The following CSMD3 variants were observed in gnomAD, a reference collection of about 807,000 sequenced individuals.
CSMD3 encodes the protein CUB and sushi domain-containing protein 3.
Under a neutral mutation model 435.2 loss-of-function variants are expected in CSMD3, and 177 were observed. The ratio of observed to expected loss-of-function variants is 0.41; its 90% CI spans 0.36 to 0.46. The LOEUF (loss-of-function observed/expected upper bound fraction) is 0.46. CSMD3 is among the 20% of genes least tolerant of loss of function. The pLI is 0.34. For missense variants in CSMD3, 4,265 were observed against 4,504.6 expected (o/e 0.95, Z 1.52); for synonymous variants, 1,656 against 1,520.5 (o/e 1.09, Z -2.07).
In CSMD3 at chr8:112,406,636, C is replaced by A. The variant is rs779309952; in HGVS notation, c.5697G>T (p.Ser1899=). The A allele has an allele frequency of 1.3e-5, 21 of 1,612,420 alleles. No homozygotes were observed. The East Asian group carries it at 3.8e-4, about 29-fold the overall frequency. ...ATCCTGGATTACAATCAAAAAGAAC[C>A]GATGAACCGACTGCAAATTCATTGC... ...RIGNEFAVGS[S]VLFDCNPGYI... Residue 1899 remains serine, a synonymous_variant, in exon 35 of 71, where the codon TCG becomes TCT. Transcript: ENST00000297405.
At chr8:112,998,754 T>A (rs570737985) in intron 6 of CSMD3, among the ~76,000 whole-genome samples, 93 of 152,078 alleles carry the variant, frequency 6.1e-4, no homozygotes, top group African/African-American at 2.0e-3. Context: ...TGGGACGTGA[T>A]GGAATCATGG....
At chr8:113,048,226 G>A (rs1425109564) in intron 5 of CSMD3, among the ~76,000 whole-genome samples, 2 of 151,852 alleles carry the variant, frequency 1.3e-5, no homozygotes, top group African/African-American at 4.8e-5. Context: ...CGGAGTAGCT[G>A]GGATTACAGG....
chr8:113,036,510 A>C (rs1013273615), intron 5 of CSMD3, among the ~76,000 whole-genome samples: 3 of 151,956 alleles, frequency 2.0e-5, no homozygotes, highest in African/African-American at 7.2e-5. Flanking sequence ...TCCAAATACC[A>C]CATATAATTA....
intron 3 of CSMD3, among the ~76,000 whole-genome samples, chr8:113,270,930 C>T (rs2132416135): frequency 6.6e-6 from 1 of 150,572 alleles, no homozygotes. Flanking sequence ...ACATATGTAA[C>T]AAACTTGCAC....
At chr8:113,172,305 G>A (rs535724949) in intron 4 of CSMD3, among the ~76,000 whole-genome samples, 1 of 152,198 alleles carries the variant, frequency 6.6e-6, no homozygotes, top group East Asian at 1.9e-4. Context: ...TCCTATTATA[G>A]TGAAATTTAA....
At chr8:113,274,664 C>T (rs144030039) in intron 3 of CSMD3, among the ~76,000 whole-genome samples, 258 of 152,128 alleles carry the variant, frequency 1.7e-3, no homozygotes, top group African/African-American at 5.5e-3. Context: ...AATTTCAATA[C>T]GCTAAATTGT....
intron 14 of CSMD3, among the ~76,000 whole-genome samples, chr8:112,687,119 A>G (rs2076030012): frequency 6.6e-6 from 1 of 152,070 alleles, no homozygotes. Flanking sequence ...AAGCCTCAAA[A>G]CATTTTGCTA....
intron 13 of CSMD3, among the ~76,000 whole-genome samples, chr8:112,797,682 C>T (rs1587326605): frequency 6.6e-6 from 1 of 151,578 alleles, no homozygotes; most frequent in African/African-American, 2.4e-5. Context: ...CACTACTCAA[C>T]AAAGAGCATG....
At chr8:113,085,923 G>A (rs1248933271) in intron 5 of CSMD3, among the ~76,000 whole-genome samples, 1 of 152,088 alleles carries the variant, frequency 6.6e-6, no homozygotes, top group African/African-American at 2.4e-5. Flanking sequence ...TAGAAGAAAG[G>A]ATTTTGAATG....
At chr8:112,637,049 CA>C in intron 21 of CSMD3, 44 bp from the exon 22 acceptor site, 1 of 1,473,860 alleles carries the variant, frequency 6.8e-7, no homozygotes, top group Non-Finnish European at 9.5e-7. Flanking sequence ...GAGGAAAGGA[CA>C]AAGAAAATGA....
At chr8:113,134,602 T>A (rs749873343) in intron 4 of CSMD3, among the ~76,000 whole-genome samples, 45 of 152,088 alleles carry the variant, frequency 3.0e-4, no homozygotes. Context: ...CACATACCTA[T>A]ATTTATATAT....
rs2075996661 is a variant in CSMD3 at position 112,685,742 on chromosome 8, C to G, written c.2156-10G>C. ...TTAGACAGGCAGGGAACTGGTGAAA[C>G]AGGAAGATTATGAAATACAATAAAT... On this transcript the variant is annotated splice_polypyrimidine_tract_variant and intron_variant, in intron 14 of 70. Transcript: ENST00000297405. The G allele has an allele frequency of 1.1e-5, 17 of 1,533,338 alleles. No homozygotes were observed. Among genetic ancestry groups the G allele is most frequent in the Non-Finnish European group, 1.5e-5 (17 of 1,107,444 alleles). 95.0% of individuals were successfully genotyped at this position (1,533,338 alleles called of 1,614,324 possible).
intron 10 of CSMD3, among the ~76,000 whole-genome samples, chr8:112,899,966 A>C (rs895917773): frequency 3.3e-5 from 5 of 151,054 alleles, no homozygotes; most frequent in African/African-American, 1.2e-4. Flanking sequence ...GAAAGTTGTA[A>C]TGTTTACTAA....
chr8:112,658,904 G>A (rs1448357887), intron 17 of CSMD3, among the ~76,000 whole-genome samples: 2 of 151,956 alleles, frequency 1.3e-5, no homozygotes, highest in Non-Finnish European at 2.9e-5. Context: ...GCAGTGGGCC[G>A]AGATCGCACC....
At chr8:113,070,444 G>T (rs1433853448) in intron 5 of CSMD3, among the ~76,000 whole-genome samples, 1 of 151,884 alleles carries the variant, frequency 6.6e-6, no homozygotes, top group African/African-American at 2.4e-5. Context: ...GCTTTTGTGT[G>T]GGGGGAGGGG....
At chr8:113,101,892 T>A (rs1219617855) in intron 4 of CSMD3, among the ~76,000 whole-genome samples, 1 of 152,122 alleles carries the variant, frequency 6.6e-6, no homozygotes, top group African/African-American at 2.4e-5. Context: ...GTGTCCCTAC[T>A]TGAATGCTGA....
intron 1 of CSMD3, among the ~76,000 whole-genome samples, chr8:113,419,335 C>T (rs2094598684): frequency 6.6e-6 from 1 of 152,082 alleles, no homozygotes; most frequent in South Asian, 2.1e-4. Flanking sequence ...CCAAGCTGGT[C>T]TCAAACTCCT....
At chr8:113,325,320 G>A (rs982270157) in intron 1 of CSMD3, among the ~76,000 whole-genome samples, 1 of 152,168 alleles carries the variant, frequency 6.6e-6, no homozygotes, top group African/African-American at 2.4e-5. Flanking sequence ...GAGGTACCCA[G>A]TGAGAGATAA....
intron 10 of CSMD3, among the ~76,000 whole-genome samples, chr8:112,910,688 A>G (rs763726855): frequency 3.3e-5 from 5 of 151,822 alleles, no homozygotes; most frequent in Non-Finnish European, 7.4e-5. Flanking sequence ...CATCTTAAAA[A>G]CAATCTTTCC....
Sources: allele counts gnomAD v4.1 joint callset (sites outside exome capture counted in the v4.1 genomes callset), GRCh38; gene constraint gnomAD v4.1.1; transcripts MANE v1.5; gene names NCBI Gene and HGNC (gene_info 2026-07-23, HGNC 2026-07-21).